Variants in IL17RD observed in about 807,000 individuals in gnomAD.
IL17RD encodes the protein interleukin 17 receptor D.
IL17RD carries 52 observed loss-of-function variants against 80.5 expected under a neutral mutation model. The observed-to-expected ratio is 0.65, with a 90% confidence interval of 0.52 to 0.81. IL17RD has a LOEUF of 0.81. IL17RD is among the 40% of genes least tolerant of loss of function. The pLI is 0.00. For synonymous variants in IL17RD, 416 were observed against 391.8 expected (o/e 1.06, Z -0.73); for missense variants, 1,024 against 955.1 (o/e 1.07, Z -0.95).
At position 57,090,955 on chromosome 3, in the gene IL17RD, G is replaced by A. The variant is rs1346870030; in HGVS notation, c.*5438C>T. On this transcript the variant is annotated 3_prime_UTR_variant, in exon 13 of 13. Transcript: ENST00000296318. ...AGCAGAACATAAACAAGATCCTGGA[G>A]GTGTCTATGGTCCAAGCTGAATTTT... The A allele has an allele frequency of 3.9e-5, 6 of 152,272 alleles. No individual in the cohort carries two copies. Among genetic ancestry groups the A allele is most frequent in the Admixed American group, 3.3e-4 (5 of 15,278 alleles). The allele number at this position is 152,272 out of a possible 1,614,324, so 9.4% of individuals were successfully genotyped here.
intron 1 of IL17RD, 200 bp downstream of exon 1, chr3:57,164,961 C>T (rs1429320476): frequency 6.1e-6 from 8 of 1,319,130 alleles, no homozygotes. Context: ...CGGGCAGCCG[C>T]TTTCATCTCG....
intron 1 of IL17RD, among the ~76,000 whole-genome samples, chr3:57,158,119 T>C (rs1012309903): frequency 6.6e-6 from 1 of 152,254 alleles, no homozygotes; most frequent in Non-Finnish European, 1.5e-5. Flanking sequence ...TAATTAATGC[T>C]ACCAATTTCC....
chr3:57,102,392 A>G, intron 10 of IL17RD, 87 bp downstream of exon 10: 1 of 582,618 alleles, frequency 1.7e-6, no homozygotes, highest in Middle Eastern at 4.1e-4. Flanking sequence ...ATCCTGGAGG[A>G]CCCAGGTACT....
rs200752867 is a variant in IL17RD, at chr3:57,102,585, G to A, written c.873C>T (p.His291=). 2.4e-5 allele frequency: 37 copies of A among 1,513,398 alleles called. No individual in the cohort carries two copies. In the East Asian group the frequency reaches 7.4e-4, roughly 30 times the overall value. The allele number at this position is 1,513,398 out of a possible 1,614,324, so 93.7% of individuals were successfully genotyped here. A position where few individuals can be genotyped will look rare whatever the true frequency, so the allele number is the denominator to read the frequency against. Residue 291 remains histidine (H), a synonymous_variant, in exon 10 of 13, where the codon CAC becomes CAT. Coordinates refer to ENST00000296318, the MANE Select transcript of IL17RD (RefSeq NM_017563.5). The stretch of plus-strand genomic sequence containing the variant: ...CTCTGATGGGCCCGGCCCACGGGGA[G>A]TGCACTGGGAAATTTCAAAGGGAAA... ...KVMHYALKPV[H]SPWAGPIRAV...
At position 57,098,353 on chromosome 3, in the gene IL17RD, G is replaced by C. The variant is rs1706746934; in HGVS notation, c.1350C>G (p.Phe450Leu). Residue 450 changes from phenylalanine (F) to leucine (L), a missense_variant, in exon 12 of 13, where the codon TTC becomes TTG. By Grantham distance (22) the Phe-to-Leu change is conservative (BLOSUM62 0). Coordinates refer to ENST00000296318, the MANE Select transcript of IL17RD (RefSeq NM_017563.5). Reference sequence around the variant, plus strand: ...CGGCAATGGCTGACACCGCCACCAGGAAGAGCTCTCCTTTCCCCGAGCCTC... The same window carrying C: ...CGGCAATGGCTGACACCGCCACCAGCAAGAGCTCTCCTTTCCCCGAGCCTC... ...GGRGSGKGEL[F>L]LVAVSAIAEK... The C allele has an allele frequency of 1.2e-6, 2 of 1,613,900 alleles. No homozygotes were observed.
intron 1 of IL17RD, among the ~76,000 whole-genome samples, chr3:57,143,214 G>A (rs1377232358): frequency 6.6e-6 from 1 of 152,186 alleles, no homozygotes; most frequent in African/African-American, 2.4e-5. Context: ...TAACTCCGCT[G>A]TCAGCCACTG....
chr3:57,166,562 A>T (rs1334288598), upstream of IL17RD, among the ~76,000 whole-genome samples: 1 of 152,100 alleles, frequency 6.6e-6, no homozygotes, highest in Non-Finnish European at 1.5e-5. Context: ...CCAACAAAAA[A>T]AAACAGTAAA....
chr3:57,162,279 G>A (rs1367296739), intron 1 of IL17RD, among the ~76,000 whole-genome samples: 2 of 152,208 alleles, frequency 1.3e-5, no homozygotes, highest in African/African-American at 2.4e-5. Context: ...AGGACTTGGT[G>A]CTGCACCTTG....
intron 1 of IL17RD, chr3:57,134,441 G>C: frequency 1.3e-6 from 1 of 789,214 alleles, no homozygotes; most frequent in East Asian, 2.5e-5. Context: ...TGCGGATTCT[G>C]TGCTGGCTGC....
At chr3:57,163,730 G>T (rs2107549316) in intron 1 of IL17RD, among the ~76,000 whole-genome samples, 1 of 145,390 alleles carries the variant, frequency 6.9e-6, no homozygotes, top group East Asian at 2.0e-4. Flanking sequence ...ATGGAACACA[G>T]TAAGAAAATG....
intron 1 of IL17RD, among the ~76,000 whole-genome samples, chr3:57,161,582 G>T (rs147116040): frequency 1.4e-4 from 22 of 152,318 alleles, no homozygotes; most frequent in African/African-American, 4.3e-4. Flanking sequence ...TAATAGACCA[G>T]AGAAGGTGGA....
At position 57,164,940 on chromosome 3, in the gene IL17RD, A is replaced by G. The variant is rs570259695; in HGVS notation, c.126+221T>C. 2,120 of 1,293,218 alleles carry G rather than the reference A, an allele frequency of 1.6e-3. 2 individuals are homozygous for G. Among genetic ancestry groups the G allele is most frequent in the Non-Finnish European group, 1.9e-3 (1,971 of 1,021,106 alleles). The allele number at this position is 1,293,218 out of a possible 1,614,324, so 80.1% of individuals were successfully genotyped here. On this transcript the variant is annotated intron_variant, in intron 1 of 12. Transcript: ENST00000296318. ...GGCGGCCGCACCTCATTAGCAACAC[A>G]AAGCCGGGGTCGGGCAGCCGCTTTC...
chr3:57,139,515 CT>C (rs10717205), intron 1 of IL17RD, among the ~76,000 whole-genome samples: 28,056 of 134,536 alleles, frequency 0.21, 2,610 homozygotes, highest in East Asian at 0.36. Flanking sequence ...TGAAAATTTC[CT>C]TTTTTTTTTT....
chr3:57,165,366 C>CG, upstream of IL17RD: 3 of 1,138,596 alleles, frequency 2.6e-6, no homozygotes, highest in Non-Finnish European at 3.3e-6. Context: ...GCGGTGGCCG[C>CG]GGCGGCCGCG....
chr3:57,103,184 T>G, intron 8 of IL17RD, 39 bp from the exon 9 acceptor site: 1 of 1,528,688 alleles, frequency 6.5e-7, no homozygotes, highest in South Asian at 1.2e-5. Flanking sequence ...TTTTTTAAAG[T>G]GATATATACC....
intron 3 of IL17RD, among the ~76,000 whole-genome samples, chr3:57,111,255 GA>G (rs1204042174): frequency 6.6e-6 from 1 of 152,220 alleles, no homozygotes; most frequent in East Asian, 1.9e-4. Context: ...TAAAGGCCAG[GA>G]AAATCTTTTT....
intron 11 of IL17RD, 34 bp from the exon 12 acceptor site, chr3:57,098,572 A>AAGGCTCGGGAAG: frequency 7.0e-7 from 1 of 1,425,642 alleles, no homozygotes; most frequent in South Asian, 1.3e-5. Flanking sequence ...ACCCATACAG[A>AAGGCTCGGGAAG]AGGCTCGGGA....
At chr3:57,144,764 T>C (rs1472840606) in intron 1 of IL17RD, among the ~76,000 whole-genome samples, 1 of 152,198 alleles carries the variant, frequency 6.6e-6, no homozygotes, top group Non-Finnish European at 1.5e-5. Flanking sequence ...AGAACAGCAA[T>C]GCCTGCATGA....
intron 1 of IL17RD, among the ~76,000 whole-genome samples, chr3:57,127,114 T>G (rs1380813068): frequency 1.4e-5 from 2 of 147,310 alleles, no homozygotes; most frequent in Non-Finnish European, 3.0e-5. Flanking sequence ...CATGAGCCAC[T>G]GCACCCGGCC....
Sources: gnomAD v4.1 joint callset for allele counts (sites outside exome capture counted in the v4.1 genomes callset) on GRCh38, gnomAD v4.1.1 for gene constraint, MANE v1.5 for transcripts, NCBI Gene and HGNC (gene_info 2026-07-23, HGNC 2026-07-21) for gene names.